NEK10: variants seen among roughly 807,000 people sequenced by gnomAD.
NEK10 encodes the protein serine/threonine-protein kinase Nek10.
In NEK10, 122 loss-of-function variants were observed where a neutral mutation model predicts 159.8. The observed-to-expected ratio is 0.76, with a 90% CI of 0.66 to 0.89. NEK10 has a LOEUF of 0.89. Among genes scored for constraint, NEK10 ranks in the 40% least tolerant of loss-of-function variants. The pLI is 0.00. For synonymous variants in NEK10, 466 were observed against 457.1 expected (o/e 1.02, Z -0.25); for missense variants, 1,342 against 1,323.1 (o/e 1.01, Z -0.22).
chr3:27,364,213 C>T (rs1179501217), intron 1 of NEK10, among the ~76,000 whole-genome samples: 1 of 151,902 alleles, frequency 6.6e-6, no homozygotes, highest in Non-Finnish European at 1.5e-5. Context: ...TTGCTCTTGT[C>T]ACCCAGGCTG....
At chr3:27,280,503 G>A (rs1032615599) in intron 22 of NEK10, among the ~76,000 whole-genome samples, 12 of 152,112 alleles carry the variant, frequency 7.9e-5, no homozygotes, top group Non-Finnish European at 1.5e-4. Flanking sequence ...GGTAGAATTC[G>A]ACGAAAATTT....
intron 28 of NEK10, among the ~76,000 whole-genome samples, chr3:27,174,004 T>C (rs1559551683): frequency 1.3e-5 from 2 of 152,204 alleles, no homozygotes; most frequent in African/African-American, 4.8e-5. Context: ...TCTTTTATTT[T>C]ATTGTTTTAA....
In NEK10 at chr3:27,121,564, TCTC is replaced by T. The variant is rs367770446; in HGVS notation, c.3082-1699_3082-1697del. Among the ~76,000 whole-genome samples the T allele has an allele frequency of 2.6e-5, 4 of 152,328 alleles. No homozygotes were observed. The East Asian group carries it at 7.7e-4, about 29-fold the overall frequency. ...CTGGAGTTTGCCTGCACAAGCTCTC[TCTC>T]TTTTTGCCTGCTGCCACCCGTGTAA... On this transcript the variant is annotated intron_variant, in intron 32 of 35. Transcript: ENST00000691995.
At chr3:27,260,904 T>C (rs2040353308) in intron 22 of NEK10, among the ~76,000 whole-genome samples, 1 of 152,138 alleles carries the variant, frequency 6.6e-6, no homozygotes, top group Admixed American at 6.5e-5. Flanking sequence ...TCAGAGCCTG[T>C]TATTGGTCTA....
chr3:27,115,077 G>GA (rs1160463697), intron 35 of NEK10, among the ~76,000 whole-genome samples: 1 of 152,022 alleles, frequency 6.6e-6, no homozygotes, highest in Non-Finnish European at 1.5e-5. Flanking sequence ...CAAAAGGCCA[G>GA]AAAAAAACAG....
Position 27,197,301 on chromosome 3 carries a change from G to A in NEK10, c.2291+4209C>T, listed in dbSNP as rs182032540. ...GGTGATTCTCCTGCCTCAGCCTCCC[G>A]AGTAGCTGGAATTACAGGCGCACAC... On this transcript the variant is annotated intron_variant, in intron 25 of 35. Coordinates refer to ENST00000691995, the MANE Select transcript of NEK10 (RefSeq NM_001394966.1). Among the ~76,000 whole-genome samples, 1,196 of 151,602 alleles carry A rather than the reference G, an allele frequency of 7.9e-3. 4 individuals are homozygous for A. Among genetic ancestry groups the A allele is most frequent in the Non-Finnish European group, 0.012 (824 of 67,892 alleles).
chr3:27,265,952 G>A (rs979526163), intron 22 of NEK10, among the ~76,000 whole-genome samples: 4 of 151,780 alleles, frequency 2.6e-5, no homozygotes, highest in African/African-American at 4.8e-5. Flanking sequence ...GACTACAGGT[G>A]TCCGCCACCA....
intron 5 of NEK10, among the ~76,000 whole-genome samples, chr3:27,331,218 A>G (rs1039686558): frequency 5.8e-5 from 7 of 120,854 alleles, no homozygotes; most frequent in African/African-American, 2.4e-4. Context: ...AGCCTGGGTG[A>G]TAAAGTAAGA....
At chr3:27,310,856 T>C (rs1162619512) in intron 9 of NEK10, 93 bp downstream of exon 9, 12 of 715,408 alleles carry the variant, frequency 1.7e-5, no homozygotes, top group Non-Finnish European at 2.6e-5. Context: ...GGATTCTAAT[T>C]ACACATGACT....
At chr3:27,214,771 G>A in intron 23 of NEK10, 1 of 811,642 alleles carries the variant, frequency 1.2e-6, no homozygotes, top group East Asian at 2.5e-5. Context: ...TCCTCCCACT[G>A]GGATGTTCTC....
At chr3:27,287,957 T>C (rs1312690535) in intron 19 of NEK10, among the ~76,000 whole-genome samples, 1 of 152,184 alleles carries the variant, frequency 6.6e-6, no homozygotes, top group East Asian at 1.9e-4. Flanking sequence ...CCTCTATAGC[T>C]TTATTAAATA....
chr3:27,199,836 T>C (rs2149027527), intron 25 of NEK10, among the ~76,000 whole-genome samples: 1 of 152,322 alleles, frequency 6.6e-6, no homozygotes. Flanking sequence ...GAGGCCATTA[T>C]CCTTAGCAAA....
chr3:27,212,335 C>T (rs781039549), intron 23 of NEK10, among the ~76,000 whole-genome samples: 6 of 149,946 alleles, frequency 4.0e-5, no homozygotes, highest in Non-Finnish European at 8.9e-5. Flanking sequence ...TGAATCATCA[C>T]CATATTTGCT....
intron 5 of NEK10, among the ~76,000 whole-genome samples, chr3:27,334,408 G>A (rs2046647419): frequency 6.6e-6 from 1 of 152,218 alleles, no homozygotes; most frequent in African/African-American, 2.4e-5. Flanking sequence ...TGGCATCCAA[G>A]TAAGCCACTT....
At chr3:27,226,575 T>C (rs1473827719) in intron 23 of NEK10, among the ~76,000 whole-genome samples, 15 of 152,170 alleles carry the variant, frequency 9.9e-5, no homozygotes, top group Non-Finnish European at 1.9e-4. Context: ...GGTCACCTCT[T>C]TCTAGCCCTC....
Position 27,107,410 on chromosome 3 carries a change from TTG to T in NEK10, c.*3860_*3861del, listed in dbSNP as rs1939110579. On this transcript the variant is annotated 3_prime_UTR_variant, in exon 36 of 36. Transcript: ENST00000691995. ...TCACAAAGCTGTTTCCCTGAGAAAT[TTG>T]TGTCTTCCTATCAATATGAAAAACA... Among the ~76,000 whole-genome samples, 1 of 152,180 alleles carries T rather than the reference TTG, an allele frequency of 6.6e-6. No homozygotes were observed. Among genetic ancestry groups the T allele is most frequent in the South Asian group, 2.1e-4 (1 of 4,826 alleles).
intron 16 of NEK10, among the ~76,000 whole-genome samples, chr3:27,292,208 A>C (rs1052949522): frequency 9.2e-5 from 14 of 152,142 alleles, no homozygotes; most frequent in Non-Finnish European, 2.1e-4. Flanking sequence ...TTTTACCATA[A>C]TTTAAAATTA....
At chr3:27,246,802 A>T (rs2149281233) in intron 23 of NEK10, among the ~76,000 whole-genome samples, 1 of 152,184 alleles carries the variant, frequency 6.6e-6, no homozygotes, top group African/African-American at 2.4e-5. Flanking sequence ...CACAATTTTT[A>T]GTCCCATATT....
intron 11 of NEK10, among the ~76,000 whole-genome samples, chr3:27,305,623 A>AT (rs201492496): frequency 0.051 from 5,210 of 101,824 alleles, 113 homozygotes; most frequent in African/African-American, 0.17. Context: ...CTAAAAAAAA[A>AT]AAAAAAATAA....
Sources: gnomAD v4.1 joint callset for allele counts (sites outside exome capture counted in the v4.1 genomes callset) on GRCh38, gnomAD v4.1.1 for gene constraint, MANE v1.5 for transcripts, NCBI Gene and HGNC (gene_info 2026-07-23, HGNC 2026-07-21) for gene names.